The following UNKL variants were observed in gnomAD, a reference collection of about 807,000 sequenced individuals.
The protein encoded by UNKL is putative E3 ubiquitin-protein ligase UNKL.
UNKL carries 60 observed loss-of-function variants against 78.0 expected under a neutral mutation model. The ratio of observed to expected loss-of-function variants is 0.77; its 90% CI spans 0.63 to 0.95. The LOEUF is 0.95. Among genes scored for constraint, UNKL ranks in the 40% least tolerant of loss-of-function variants. The probability of loss-of-function intolerance (pLI) is 0.00; values close to 1 mark genes in which losing one functional copy is unlikely to be tolerated. For missense variants in UNKL, 1,159 were observed against 1,045.7 expected (o/e 1.11, Z -1.49); for synonymous variants, 608 against 474.8 (o/e 1.28, Z -3.65).
At chr16:1,374,662 C>T (rs2142004303) in intron 10 of UNKL, among the ~76,000 whole-genome samples, 1 of 152,278 alleles carries the variant, frequency 6.6e-6, no homozygotes, top group Non-Finnish European at 1.5e-5. Flanking sequence ...CTCCTGCAGC[C>T]TCACTCCCCA....
intron 2 of UNKL, among the ~76,000 whole-genome samples, chr16:1,410,333 C>A (rs973499082): frequency 1.3e-5 from 2 of 151,568 alleles, no homozygotes; most frequent in Non-Finnish European, 1.5e-5. Context: ...CCTGGCCAGG[C>A]ACGGTGGCCC....
chr16:1,379,623 G>C, intron 10 of UNKL: 2 of 984,964 alleles, frequency 2.0e-6, no homozygotes. Context: ...CACGCGCTGG[G>C]GCCGCCGCCA....
chr16:1,401,498 G>A, intron 4 of UNKL, 70 bp downstream of exon 4: 1 of 1,395,620 alleles, frequency 7.2e-7, no homozygotes, highest in Non-Finnish European at 9.4e-7. Context: ...AGGGAACCAA[G>A]TGGCCCGAGC....
Position 1,387,735 on chromosome 16 carries a change from C to T in UNKL, c.1087-2350G>A, listed in dbSNP as rs2036871514. Among the ~76,000 whole-genome samples the T allele has an allele frequency of 6.6e-6, 1 of 152,110 alleles. No individual in the cohort carries two copies. Among genetic ancestry groups the T allele is most frequent in the South Asian group, 2.1e-4 (1 of 4,828 alleles). The stretch of plus-strand genomic sequence containing the variant: ...TGGACACTGCACAGCCGCACGGCTG[C>T]CCGGCCCTCCGGGGACGTGGACACT... On this transcript the variant is annotated intron_variant, in intron 9 of 14. Coordinates refer to ENST00000389221, the MANE Select transcript of UNKL (RefSeq NM_001372107.1). This position sits in a 1 kb window ranked among gnomAD's most constrained non-coding sequence, Gnocchi z 4.1.
In UNKL at chr16:1,394,545, G is replaced by A. The variant is rs763310532; in HGVS notation, c.853-330C>T. On this transcript the variant is annotated intron_variant, in intron 6 of 14. Transcript: ENST00000389221. ...CTGGTATGCAGCAGGTGCCTAATAA[G>A]TGCCTATTAAAAGGAACACGTGTGT... 2.8e-4 allele frequency: 144 copies of A among 515,154 alleles called. 1 individual carries two copies. The highest frequency in any genetic ancestry group is 3.6e-4 in the Non-Finnish European group (96 of 265,612). The allele number at this position is 515,154 out of a possible 1,614,324, so 31.9% of individuals were successfully genotyped here. A position where few individuals can be genotyped will look rare whatever the true frequency, so the allele number is the denominator to read the frequency against.
chr16:1,397,026 C>A (rs1433570716), intron 6 of UNKL, 152 bp downstream of exon 6: 31 of 757,828 alleles, frequency 4.1e-5, no homozygotes, highest in Non-Finnish European at 6.0e-5. Flanking sequence ...CAGGTACAGC[C>A]CTCATGCCTC....
rs368817559 is a variant in UNKL at position 1,412,828 on chromosome 16, A to G, written c.287+1018T>C. 1.7e-3 allele frequency among the ~76,000 whole-genome samples: 254 copies of G among 151,408 alleles called. 2 individuals are homozygous for G. The highest frequency in any genetic ancestry group is 2.7e-3 in the East Asian group (14 of 5,104). On this transcript the variant is annotated intron_variant, in intron 2 of 14. Coordinates refer to ENST00000389221, the MANE Select transcript of UNKL (RefSeq NM_001372107.1). Reference sequence around the variant, plus strand: ...ATCCCAGTACTTTGGGAGGCCAAGGAGGGAGGATCGCTGTGCCCAGGAGGT... The same window carrying G: ...ATCCCAGTACTTTGGGAGGCCAAGGGGGGAGGATCGCTGTGCCCAGGAGGT...
At position 1,365,329 on chromosome 16, in the gene UNKL, T is replaced by C. The variant is rs952947465; in HGVS notation, c.*911A>G. 6.6e-6 allele frequency: 1 copy of C among 152,316 alleles called. No individual in the cohort carries two copies. The highest frequency in any genetic ancestry group is 6.5e-5 in the Admixed American group (1 of 15,298). 9.4% of individuals were successfully genotyped at this position (152,316 alleles called of 1,614,324 possible). A position where few individuals can be genotyped will look rare whatever the true frequency, so the allele number is the denominator to read the frequency against. On this transcript the variant is annotated 3_prime_UTR_variant, in exon 15 of 15. Coordinates refer to ENST00000389221, the MANE Select transcript of UNKL (RefSeq NM_001372107.1). ...AAAAGTAATTCTAAAAGCTCTGACG[T>C]CGGATCCCCTCTGCTGCGTTTTTTG...
chr16:1,400,046 G>T (rs2037448701), intron 4 of UNKL, among the ~76,000 whole-genome samples: 2 of 152,120 alleles, frequency 1.3e-5, no homozygotes, highest in Admixed American at 1.3e-4. Flanking sequence ...GAGGGGGCAG[G>T]GGGTGTTTGG....
At chr16:1,371,748 C>T in intron 10 of UNKL, 137 bp from the exon 11 acceptor site, 2 of 859,974 alleles carry the variant, frequency 2.3e-6, no homozygotes, top group Admixed American at 2.6e-5. Context: ...CTGGGGCAGC[C>T]AGGGAAGGAC....
chr16:1,393,036 G>C, intron 7 of UNKL, 60 bp from the exon 8 acceptor site: 2 of 1,507,992 alleles, frequency 1.3e-6, no homozygotes, highest in East Asian at 2.5e-5. Context: ...GTGACACGCA[G>C]AAGTCTCCGC....
At chr16:1,379,655 C>G (rs1177190511) in intron 10 of UNKL, 1 of 984,494 alleles carries the variant, frequency 1.0e-6, no homozygotes, top group Non-Finnish European at 1.2e-6. Context: ...CGGTCCGCGG[C>G]CGCCCCGCGC....
intron 1 of UNKL, 81 bp from the exon 2 acceptor site, chr16:1,414,136 CCT>C: frequency 7.3e-7 from 1 of 1,365,482 alleles, no homozygotes; most frequent in East Asian, 2.5e-5. Context: ...GACCCACCGG[CCT>C]CAGGAGCCTC....
In UNKL at chr16:1,387,109, AATGCAGCACCGGGGACCCTCCCAGCC is replaced by A. The variant is rs1567220326; in HGVS notation, c.1087-1750_1087-1725del. On this transcript the variant is annotated intron_variant, in intron 9 of 14. Coordinates refer to ENST00000389221, the MANE Select transcript of UNKL (RefSeq NM_001372107.1). The surrounding 1 kb of genome is among the most constrained non-coding windows in gnomAD (Gnocchi z 4.1). Reference sequence around the variant, plus strand: ...ATGCAGCACCGGGGACCCTCCCAGCAATGCAGCACCGGGGACCCTCCCAGCCATGCAGCACCGGGGACCCTCCCAGC... The same window carrying A: ...ATGCAGCACCGGGGACCCTCCCAGCAATGCAGCACCGGGGACCCTCCCAGC... 1.8e-4 allele frequency among the ~76,000 whole-genome samples: 24 copies of A among 133,282 alleles called. No individual in the cohort carries two copies. The highest frequency in any genetic ancestry group is 1.5e-4 in the Non-Finnish European group (9 of 60,974). The allele number at this position is 133,282 out of a possible 152,430, so 87.4% of individuals were successfully genotyped here.
In UNKL at chr16:1,367,692, G is replaced by T; in HGVS notation, c.1752C>A (p.Ile584=). The part of the protein sequence containing the change: ...RRQLDEAKRK[I]RQWEESWQQV... ...GCTGCCAGGACTCCTCCCACTGCCG[G>T]ATCTTCCTCTTGGCCTCGTCCAGCT... Residue 584 remains isoleucine (I), a synonymous_variant, in exon 13 of 15, where the codon ATC becomes ATA. Coordinates refer to ENST00000389221, the MANE Select transcript of UNKL (RefSeq NM_001372107.1). The T allele has an allele frequency of 6.3e-7, 1 of 1,581,006 alleles. No homozygotes were observed. Among genetic ancestry groups the T allele is most frequent in the Non-Finnish European group, 8.6e-7 (1 of 1,164,706 alleles).
At chr16:1,381,482 T>C (rs2036604703) in intron 10 of UNKL, among the ~76,000 whole-genome samples, 1 of 152,054 alleles carries the variant, frequency 6.6e-6, no homozygotes, top group Non-Finnish European at 1.5e-5. Flanking sequence ...TAGCCGGGCA[T>C]GATGGCACAC....
At chr16:1,368,626 A>AAAAC (rs1567198774) in intron 12 of UNKL, among the ~76,000 whole-genome samples, 12 of 148,718 alleles carry the variant, frequency 8.1e-5, no homozygotes, top group African/African-American at 2.7e-4. Context: ...AAAAAAAAAA[A>AAAAC]AAAAAAAAAC....
intron 12 of UNKL, among the ~76,000 whole-genome samples, chr16:1,369,779 G>A (rs1198301900): frequency 5.3e-5 from 8 of 152,146 alleles, no homozygotes; most frequent in South Asian, 2.1e-4. Context: ...GTTTGAGACC[G>A]GCCCGGCCAG....
intron 10 of UNKL, among the ~76,000 whole-genome samples, chr16:1,375,456 G>GTTC (rs2036147769): frequency 6.6e-6 from 1 of 152,224 alleles, no homozygotes; most frequent in Non-Finnish European, 1.5e-5. Flanking sequence ...GGGCGTGGAG[G>GTTC]CCGGGCTGTG....
Sources: gnomAD v4.1 joint callset for allele counts (sites outside exome capture counted in the v4.1 genomes callset) on GRCh38, gnomAD v4.1.1 for gene constraint, Gnocchi (gnomAD v3.1) non-coding constraint, MANE v1.5 for transcripts, NCBI Gene and HGNC (gene_info 2026-07-23, HGNC 2026-07-21) for gene names.